HDGFL3: variants seen among roughly 807,000 people sequenced by gnomAD.
The protein encoded by HDGFL3 is HDGF like 3.
HDGFL3 carries 6 observed loss-of-function variants against 27.6 expected under a neutral mutation model. The observed-to-expected ratio is 0.22, with a 90% CI of 0.12 to 0.43. The LOEUF (loss-of-function observed/expected upper bound fraction) is 0.43, where lower values mean the gene tolerates loss of function less well. Ranked by LOEUF, HDGFL3 falls within the 20% of genes least tolerant of loss-of-function variation. HDGFL3 has a pLI of 1.00. For missense variants in HDGFL3, 207 were observed against 250.1 expected, an observed-to-expected ratio of 0.83 and a Z score of 1.16; for synonymous variants, 88 against 88.9, an observed-to-expected ratio of 0.99 and a Z score of 0.05.
chr15:83,159,454 C>T (rs1189214103), intron 2 of HDGFL3, among the ~76,000 whole-genome samples: 1 of 152,072 alleles, frequency 6.6e-6, no homozygotes, highest in Non-Finnish European at 1.5e-5. Context: ...AGAGGAGCTA[C>T]AGGGAACAAA....
At chr15:83,168,054 G>A (rs2037195335) in intron 1 of HDGFL3, among the ~76,000 whole-genome samples, 1 of 152,198 alleles carries the variant, frequency 6.6e-6, no homozygotes, top group Non-Finnish European at 1.5e-5. Context: ...GCTCCTGAAT[G>A]ACTTTTAGGT....
At chr15:83,177,965 ATT>A (rs1203661049) in intron 1 of HDGFL3, among the ~76,000 whole-genome samples, 3 of 152,324 alleles carry the variant, frequency 2.0e-5, no homozygotes, top group African/African-American at 7.2e-5. Flanking sequence ...TGATGGATAT[ATT>A]TTTGTTTATT....
chr15:83,160,676 A>G (rs1347762704), intron 2 of HDGFL3, among the ~76,000 whole-genome samples: 1 of 152,172 alleles, frequency 6.6e-6, no homozygotes, highest in African/African-American at 2.4e-5. Flanking sequence ...GAAATGTGTA[A>G]GCTGGAGATG....
intron 3 of HDGFL3, among the ~76,000 whole-genome samples, chr15:83,116,737 G>A (rs776255977): frequency 2.4e-4 from 37 of 152,282 alleles, no homozygotes; most frequent in Admixed American, 1.1e-3. Flanking sequence ...TGGAGGCAGC[G>A]CATGGGAAGT....
chr15:83,174,497 T>TA lies in HDGFL3; in HGVS notation c.85-10423dup, dbSNP rs35330130. ...GTATATGTTACATTGAGCACCACCC[T>TA]AAAAAAAAAAAAAACCTCAAAATGA... On this transcript the variant is annotated intron_variant, in intron 1 of 5. Coordinates refer to ENST00000299633, the MANE Select transcript of HDGFL3 (RefSeq NM_016073.4). Among the ~76,000 whole-genome samples the TA allele has an allele frequency of 7.2e-3, 999 of 138,834 alleles. 4 individuals are homozygous for TA. Among genetic ancestry groups the TA allele is most frequent in the African/African-American group, 0.013 (487 of 38,316 alleles). The allele number at this position is 138,834 out of a possible 152,430, so 91.1% of individuals were successfully genotyped here. A position where few individuals can be genotyped will look rare whatever the true frequency, so the allele number is the denominator to read the frequency against.
rs908900569 is a variant in HDGFL3 at position 83,130,094 on chromosome 15, T to A, written c.*9176A>T. The A allele has an allele frequency of 7.9e-5, 12 of 152,330 alleles. No homozygotes were observed. The South Asian group carries it at 8.3e-4, about 11-fold the overall frequency. The allele number at this position is 152,330 out of a possible 1,614,324, so 9.4% of individuals were successfully genotyped here. A position where few individuals can be genotyped will look rare whatever the true frequency, so the allele number is the denominator to read the frequency against. On this transcript the variant is annotated 3_prime_UTR_variant, in exon 6 of 6. Transcript: ENST00000299633. ...CTGGTACCAGTCCCTGATGCAGGAA[T>A]GCTAAGTGTCATCAGCCAGCAGGCT...
chr15:83,193,213 T>C lies in HDGFL3; in HGVS notation c.84+14118A>G, dbSNP rs969860606. Among the ~76,000 whole-genome samples the C allele has an allele frequency of 2.0e-5, 3 of 152,290 alleles. No individual in the cohort carries two copies. The South Asian group carries it at 6.2e-4, about 32-fold the overall frequency. ...TCCTAAGAAGCTAACAACCAGAACA[T>C]ATGATTAAGTCCTACAACTCAACAA... On this transcript the variant is annotated intron_variant, in intron 1 of 5. Coordinates refer to ENST00000299633, the MANE Select transcript of HDGFL3 (RefSeq NM_016073.4).
At chr15:83,119,717 T>G in intron 3 of HDGFL3, 2 of 1,612,884 alleles carry the variant, frequency 1.2e-6, no homozygotes, top group Non-Finnish European at 1.7e-6. Flanking sequence ...CTTTGCCACC[T>G]TAGCAACCGA....
intron 1 of HDGFL3, chr15:83,169,283 G>C: frequency 2.4e-6 from 1 of 419,666 alleles, no homozygotes; most frequent in Non-Finnish European, 4.8e-6. Context: ...GCAAGAGAAA[G>C]AATTTCAAGA....
exon 4 of HDGFL3, chr15:83,115,687 G>A (rs905525519): frequency 1.4e-6 from 1 of 704,162 alleles, no homozygotes; most frequent in African/African-American, 1.7e-5. Context: ...GGTCCAGCTG[G>A]GTGTGTAGAA....
At chr15:83,203,127 GT>G in intron 1 of HDGFL3, among the ~76,000 whole-genome samples, 1 of 152,012 alleles carries the variant, frequency 6.6e-6, no homozygotes. Flanking sequence ...CTCATATAAA[GT>G]TTTTAAGTGT....
At chr15:83,195,536 T>C (rs1357316768) in intron 1 of HDGFL3, among the ~76,000 whole-genome samples, 1 of 152,116 alleles carries the variant, frequency 6.6e-6, no homozygotes, top group African/African-American at 2.4e-5. Flanking sequence ...GTTAAAATCA[T>C]GTCTTATTAA....
chr15:83,171,387 T>G (rs868687421), intron 1 of HDGFL3, among the ~76,000 whole-genome samples: 1 of 152,170 alleles, frequency 6.6e-6, no homozygotes, highest in Admixed American at 6.5e-5. Context: ...GCAATCCCAT[T>G]ACTGTGTATA....
chr15:83,192,549 T>C (rs1350429236), intron 1 of HDGFL3, among the ~76,000 whole-genome samples: 1 of 152,214 alleles, frequency 6.6e-6, no homozygotes, highest in Non-Finnish European at 1.5e-5. Context: ...TTGTAATATT[T>C]CCATAAGTAC....
intron 1 of HDGFL3, among the ~76,000 whole-genome samples, chr15:83,186,382 C>T (rs1163818646): frequency 1.3e-5 from 2 of 152,118 alleles, no homozygotes; most frequent in Non-Finnish European, 2.9e-5. Flanking sequence ...CTACTAGCTG[C>T]TTATGGATTT....
At chr15:83,164,759 T>A (rs1242123822) in intron 1 of HDGFL3, among the ~76,000 whole-genome samples, 3 of 152,210 alleles carry the variant, frequency 2.0e-5, no homozygotes, top group Non-Finnish European at 4.4e-5. Context: ...AAGTTGAGAA[T>A]CTCTAATAGG....
intron 1 of HDGFL3, among the ~76,000 whole-genome samples, chr15:83,188,104 C>G (rs980962085): frequency 1.3e-5 from 2 of 152,184 alleles, no homozygotes; most frequent in African/African-American, 4.8e-5. Flanking sequence ...CAATCTTTGA[C>G]AGCATTAGAC....
chr15:83,119,605 G>T (rs953337883), intron 3 of HDGFL3: 2 of 1,614,176 alleles, frequency 1.2e-6, no homozygotes, highest in Non-Finnish European at 8.5e-7. Flanking sequence ...CACCGCATAT[G>T]GGCACATGAT....
intron 3 of HDGFL3, among the ~76,000 whole-genome samples, chr15:83,119,164 G>C (rs2034984135): frequency 6.6e-6 from 1 of 152,176 alleles, no homozygotes; most frequent in Non-Finnish European, 1.5e-5. Context: ...GGATCAGCAT[G>C]AATTATTAAG....
Sources: gnomAD v4.1 joint callset for allele counts (sites outside exome capture counted in the v4.1 genomes callset) on GRCh38, gnomAD v4.1.1 for gene constraint, MANE v1.5 for transcripts, NCBI Gene and HGNC (gene_info 2026-07-23, HGNC 2026-07-21) for gene names.